The following LRP6 variants were observed in gnomAD, a reference collection of about 807,000 sequenced individuals.
LRP6 encodes low-density lipoprotein receptor-related protein 6.
In LRP6, 43 loss-of-function variants were observed where a neutral mutation model predicts 184.1. That is an observed-to-expected ratio of 0.23 (90% confidence interval 0.18 to 0.30). The LOEUF (loss-of-function observed/expected upper bound fraction) is 0.30, where lower values mean the gene tolerates loss of function less well. Ranked by LOEUF, LRP6 falls within the 10% of genes least tolerant of loss-of-function variation. The pLI is 1.00. For missense variants in LRP6, 1,571 were observed against 2,005.3 expected (o/e 0.78, Z 4.14); for synonymous variants, 719 against 684.9 (o/e 1.05, Z -0.78).
intron 2 of LRP6, among the ~76,000 whole-genome samples, chr12:12,233,943 G>C (rs1864862014): frequency 6.6e-6 from 1 of 151,964 alleles, no homozygotes; most frequent in Non-Finnish European, 1.5e-5. Context: ...ACTATGCACT[G>C]GCAAAAAACA....
Position 12,151,704 on chromosome 12 carries a change from AAATT to A in LRP6, c.2792-670_2792-667del, listed in dbSNP as rs375414733. ...ATTTTTAATGTTTTTAATAACTTAA[AAATT>A]ATTTATAAAAAATTAATAGAGATGG... On this transcript the variant is annotated intron_variant, in intron 12 of 22. Coordinates refer to ENST00000261349, the MANE Select transcript of LRP6 (RefSeq NM_002336.3). Among the ~76,000 whole-genome samples, 21 of 152,232 alleles carry A rather than the reference AAATT, an allele frequency of 1.4e-4. No individual in the cohort carries two copies. The East Asian group carries it at 3.9e-3, about 28-fold the overall frequency.
At chr12:12,167,743 T>A (rs1862926166) in intron 7 of LRP6, among the ~76,000 whole-genome samples, 1 of 152,142 alleles carries the variant, frequency 6.6e-6, no homozygotes, top group Non-Finnish European at 1.5e-5. Context: ...CACTATCTGG[T>A]AAACACTGGT....
Position 12,130,856 on chromosome 12 carries a change from A to C in LRP6, c.4008T>G (p.Gly1336=), listed in dbSNP as rs780846061. Reference sequence around the variant, plus strand: ...ACTTCTTGTGCTTTCCAATGCACTGACCATTGGCACAGCGGAACTGATCAA... The same window carrying C: ...ACTTCTTGTGCTTTCCAATGCACTGCCCATTGGCACAGCGGAACTGATCAA... ...CLIDQFRCAN[G]QCIGKHKKCD... is the part of the protein sequence containing the mutation. Residue 1336 remains glycine, a synonymous_variant, in exon 19 of 23, where the codon GGT becomes GGG. Coordinates refer to ENST00000261349, the MANE Select transcript of LRP6 (RefSeq NM_002336.3). 1 of 1,611,268 alleles carries C rather than the reference A, an allele frequency of 6.2e-7. No individual in the cohort carries two copies. The highest frequency in any genetic ancestry group is 1.7e-5 in the Admixed American group (1 of 60,030).
chr12:12,150,135 T>C (rs775367962), intron 13 of LRP6, among the ~76,000 whole-genome samples: 5 of 136,980 alleles, frequency 3.7e-5, no homozygotes, highest in Non-Finnish European at 5.1e-5. Flanking sequence ...ATTTATAGTA[T>C]TATAATCCCA....
At chr12:12,215,102 G>C (rs963432413) in intron 2 of LRP6, among the ~76,000 whole-genome samples, 1 of 152,168 alleles carries the variant, frequency 6.6e-6, no homozygotes, top group African/African-American at 2.4e-5. Flanking sequence ...TCAGTCACTG[G>C]CTTTCTCTGC....
intron 2 of LRP6, among the ~76,000 whole-genome samples, chr12:12,214,637 GA>G (rs1441200758): frequency 6.6e-6 from 1 of 152,194 alleles, no homozygotes; most frequent in African/African-American, 2.4e-5. Context: ...AGTCATGTGA[GA>G]ACTTTCTTTT....
intron 4 of LRP6, 85 bp downstream of exon 4, chr12:12,186,838 C>T: frequency 1.7e-6 from 2 of 1,152,936 alleles, no homozygotes; most frequent in South Asian, 1.2e-5. Context: ...ATATGCCCTC[C>T]CTCCTCCTGA....
intron 17 of LRP6, among the ~76,000 whole-genome samples, chr12:12,134,184 A>G (rs922307045): frequency 1.7e-4 from 26 of 152,326 alleles, no homozygotes; most frequent in African/African-American, 6.3e-4. Flanking sequence ...TGTTGAATAC[A>G]TATTCTCTTT....
intron 1 of LRP6, among the ~76,000 whole-genome samples, chr12:12,250,016 A>C (rs915345846): frequency 6.6e-6 from 1 of 152,138 alleles, no homozygotes; most frequent in African/African-American, 2.4e-5. Context: ...CATGTCTTTA[A>C]ATCTGTCTCC....
intron 13 of LRP6, among the ~76,000 whole-genome samples, chr12:12,149,711 C>T (rs532824580): frequency 6.6e-6 from 1 of 152,310 alleles, no homozygotes; most frequent in Admixed American, 6.5e-5. Context: ...GCTTGAGAAA[C>T]CCTGCTCTAG....
intron 7 of LRP6, among the ~76,000 whole-genome samples, chr12:12,169,578 G>A (rs768984389): frequency 5.3e-5 from 8 of 152,214 alleles, no homozygotes; most frequent in Middle Eastern, 3.4e-3. Context: ...TGAAGACCAC[G>A]ATCAAAGTAT....
chr12:12,250,390 C>G (rs1865296171), intron 1 of LRP6, among the ~76,000 whole-genome samples: 1 of 152,172 alleles, frequency 6.6e-6, no homozygotes, highest in African/African-American at 2.4e-5. Flanking sequence ...TCCTTCAAGG[C>G]CAGAGTCAAA....
In LRP6 at chr12:12,196,028, T is replaced by C. The variant is rs368404821; in HGVS notation, c.647+7175A>G. On this transcript the variant is annotated intron_variant, in intron 3 of 22. Transcript: ENST00000261349. ...TGCATGGATTAATTTCTGGGTTTTC[T>C]ATTCTGTTCCATCGGTGTATGTTTC... is the stretch of plus-strand genomic sequence containing the variant. Among the ~76,000 whole-genome samples, 21 of 152,218 alleles carry C rather than the reference T, an allele frequency of 1.4e-4. No individual in the cohort carries two copies. The East Asian group carries it at 2.1e-3, about 15-fold the overall frequency.
intron 15 of LRP6, 190 bp from the exon 16 acceptor site, chr12:12,138,724 T>A (rs564463464): frequency 4.9e-5 from 68 of 1,400,410 alleles, no homozygotes; most frequent in African/African-American, 1.6e-4. Context: ...GATATTAATA[T>A]GCAATCAAGA....
Position 12,266,627 on chromosome 12 carries a change from A to T in LRP6, c.55+54T>A, listed in dbSNP as rs1865773082. The T allele has an allele frequency of 2.8e-6, 4 of 1,432,528 alleles. No individual in the cohort carries two copies. The East Asian group carries it at 9.9e-5, about 35-fold the overall frequency. The allele number at this position is 1,432,528 out of a possible 1,614,324, so 88.7% of individuals were successfully genotyped here. A position where few individuals can be genotyped will look rare whatever the true frequency, so the allele number is the denominator to read the frequency against. Reference sequence around the variant, plus strand: ...TCCCCTCCCCCTAGACACATACAACAAGGCCACCTCCCCCCGAACCCCACC... The same window carrying T: ...TCCCCTCCCCCTAGACACATACAACTAGGCCACCTCCCCCCGAACCCCACC... On this transcript the variant is annotated intron_variant, in intron 1 of 22. Coordinates refer to ENST00000261349, the MANE Select transcript of LRP6 (RefSeq NM_002336.3).
intron 1 of LRP6, among the ~76,000 whole-genome samples, chr12:12,252,378 T>C (rs1309543156): frequency 3.3e-5 from 5 of 152,232 alleles, no homozygotes; most frequent in African/African-American, 1.2e-4. Flanking sequence ...AAAAGAGAGA[T>C]GTTAAAAATA....
intron 1 of LRP6, among the ~76,000 whole-genome samples, chr12:12,266,176 A>C (rs1403542194): frequency 6.6e-6 from 1 of 152,150 alleles, no homozygotes; most frequent in African/African-American, 2.4e-5. Flanking sequence ...AACGGAAGCC[A>C]ATCATTACCT....
intron 1 of LRP6, among the ~76,000 whole-genome samples, chr12:12,260,937 GT>G (rs1379672638): frequency 6.6e-6 from 1 of 152,124 alleles, no homozygotes; most frequent in Non-Finnish European, 1.5e-5. Context: ...TATTTTTCCA[GT>G]ATGCGCAAAA....
At chr12:12,239,099 T>C (rs138949288) in intron 2 of LRP6, among the ~76,000 whole-genome samples, 9 of 152,298 alleles carry the variant, frequency 5.9e-5, no homozygotes, top group South Asian at 4.1e-4. Flanking sequence ...GGCATTTAGC[T>C]AGAGGATCCT....
Sources: allele counts gnomAD v4.1 joint callset (sites outside exome capture counted in the v4.1 genomes callset), GRCh38; gene constraint gnomAD v4.1.1; transcripts MANE v1.5; gene names NCBI Gene and HGNC (gene_info 2026-07-23, HGNC 2026-07-21).